The following POU5F1B variants were observed in gnomAD, a reference collection of about 807,000 sequenced individuals.
The protein encoded by POU5F1B is POU domain, class 5, transcription factor 1B.
POU5F1B carries 24 observed loss-of-function variants against 28.1 expected under a neutral mutation model. The observed-to-expected ratio is 0.85, with a 90% CI of 0.62 to 1.20. The LOEUF is 1.20. POU5F1B is among the 50% of genes most tolerant of loss of function. The pLI is 0.00. For synonymous variants in POU5F1B, 220 were observed against 193.2 expected (o/e 1.14, Z -1.15); for missense variants, 451 against 451.5 (o/e 1.00, Z 0.01).
In POU5F1B at chr8:127,416,347, G is replaced by A. The variant is rs140000439; in HGVS notation, c.481G>A (p.Gly161Arg). Residue 161 changes from glycine (G) to arginine (R), a missense_variant, in exon 3 of 3, where the codon GGA becomes AGA. Gly to Arg is a moderately radical substitution (Grantham distance 125). Around this residue, in one of 3 missense-constraint regions of POU5F1B, gnomAD observed 233 missense variants for 210.7 expected, o/e 1.11. Coordinates refer to ENST00000465342, the Ensembl canonical transcript of POU5F1B. Reference sequence around the variant, plus strand: ...CCTGAAGCAGAAGAGGATCACCCTGGGATATACACAGGCCGATGTGGGGCT... The same window carrying A: ...CCTGAAGCAGAAGAGGATCACCCTGAGATATACACAGGCCGATGTGGGGCT... 2.5e-3 allele frequency: 4,014 copies of A among 1,612,174 alleles called. 104 individuals are homozygous for A. In the African/African-American group the frequency reaches 0.047, roughly 19 times the overall value.
chr8:127,416,199 C>G, exon 3 of POU5F1B: 2 of 1,613,820 alleles, frequency 1.2e-6, no homozygotes, highest in Non-Finnish European at 8.5e-7. Context: ...ATGGGGCCTC[C>G]CCGGAACCCT....
chr8:127,415,629 G>A, exon 3 of POU5F1B: 1 of 637,686 alleles, frequency 1.6e-6, no homozygotes, highest in Non-Finnish European at 2.3e-6. Context: ...CCAAATCTTG[G>A]CATTCTTATC....
At chr8:127,414,842 G>A (rs1220380291) in intron 1 of POU5F1B, 2 of 152,230 alleles carry the variant, frequency 1.3e-5, no homozygotes, top group Non-Finnish European at 2.9e-5. Context: ...TCAGAGACTA[G>A]GTCATAAAGA....
chr8:127,416,315 C>T, exon 3 of POU5F1B: 1 of 1,613,622 alleles, frequency 6.2e-7, no homozygotes, highest in Non-Finnish European at 8.5e-7. Context: ...GAGCAATTTG[C>T]CAAGCTCCTG....
At chr8:127,416,896 T>C (rs762017742) in exon 3 of POU5F1B, 6 of 1,600,330 alleles carry the variant, frequency 3.7e-6, no homozygotes, top group Middle Eastern at 3.3e-4. Flanking sequence ...GGGGGAAGTC[T>C]TTCCCCCAGT....
At chr8:127,414,117 C>T (rs1010143166) in intron 1 of POU5F1B, among the ~76,000 whole-genome samples, 2 of 152,212 alleles carry the variant, frequency 1.3e-5, no homozygotes, top group Non-Finnish European at 2.9e-5. Flanking sequence ...GAGGTAAAGT[C>T]ATATCTATCT....
chr8:127,414,214 T>C (rs1337653474), intron 1 of POU5F1B, among the ~76,000 whole-genome samples: 1 of 152,228 alleles, frequency 6.6e-6, no homozygotes, highest in Non-Finnish European at 1.5e-5. Flanking sequence ...CCAACTCATA[T>C]CCCAATTCTG....
rs397839847 is a variant in POU5F1B at position 127,416,910 on chromosome 8, C to T, written c.1044C>T (p.Ser348=). 7.5e-6 allele frequency: 12 copies of T among 1,600,704 alleles called. No individual in the cohort carries two copies. Among genetic ancestry groups the T allele is most frequent in the Middle Eastern group, 1.7e-4 (1 of 6,056 alleles). Residue 348 remains serine, a synonymous_variant, in exon 3 of 3, where the codon TCC becomes TCT. Coordinates refer to ENST00000465342, the Ensembl canonical transcript of POU5F1B. ...AGGGGGAAGTCTTTCCCCCAGTCTC[C>T]GTCATCACTCTGGGCTCTCCCATGC...
At chr8:127,416,132 G>T (rs1815132488) in exon 3 of POU5F1B, 7 of 1,613,652 alleles carry the variant, frequency 4.3e-6, no homozygotes, top group Non-Finnish European at 5.9e-6. Context: ...CCCCAAGGCG[G>T]CTTGGAGACC....
At position 127,417,129 on chromosome 8, in the gene POU5F1B, T is replaced by G; in HGVS notation, c.*183T>G. 6 of 811,150 alleles carry G rather than the reference T, an allele frequency of 7.4e-6. No individual in the cohort carries two copies. The South Asian group carries it at 1.2e-4, about 16-fold the overall frequency. The allele number at this position is 811,150 out of a possible 1,614,324, so 50.2% of individuals were successfully genotyped here. ...TTGGAGGGAAGGTGAAGTTCAATGA[T>G]GCTCTTGATTTTAATCCCACATCAT... On this transcript the variant is annotated 3_prime_UTR_variant, in exon 3 of 3. Coordinates refer to ENST00000465342, the Ensembl canonical transcript of POU5F1B.
At chr8:127,415,791 G>A in exon 3 of POU5F1B, 1 of 1,458,540 alleles carries the variant, frequency 6.9e-7, no homozygotes, top group Non-Finnish European at 9.1e-7. Flanking sequence ...CAGCCATACG[G>A]TCACAGAGCT....
At chr8:127,414,649 G>A (rs1167597555) in intron 1 of POU5F1B, among the ~76,000 whole-genome samples, 1 of 152,106 alleles carries the variant, frequency 6.6e-6, no homozygotes, top group Non-Finnish European at 1.5e-5. Context: ...TTAAGAAATG[G>A]ACATCCAATA....
chr8:127,416,113 G>C lies in POU5F1B; in HGVS notation c.247G>C (p.Gly83Arg), dbSNP rs756839675. 4 of 1,613,266 alleles carry C rather than the reference G, an allele frequency of 2.5e-6. No homozygotes were observed. In the African/African-American group the frequency reaches 5.3e-5, roughly 22 times the overall value. ...GTACTGTGGGCCTCAGGTTGGAGTG[G>C]GGCTAGTGCCCCAAGGCGGCTTGGA... is the stretch of plus-strand genomic sequence containing the variant. The change falls in exon 3 of 3, where the codon GGG (glycine) becomes CGG (arginine). Residue 83 changes from glycine (G) to arginine (R), a missense_variant. Gly to Arg is a moderately radical substitution (Grantham distance 125). This residue lies in a region of POU5F1B where 233 missense variants were observed against 210.7 expected (regional missense o/e 1.11). Transcript: ENST00000465342.
At position 127,416,476 on chromosome 8, in the gene POU5F1B, C is replaced by T. The variant is rs192151034; in HGVS notation, c.610C>T (p.Leu204=). 4,008 of 1,609,726 alleles carry T rather than the reference C, an allele frequency of 2.5e-3. 102 individuals carry two copies. In the African/African-American group the frequency reaches 0.047, roughly 19 times the overall value. The change falls in exon 3 of 3, where the codon CTG becomes TTG. Residue 204 remains leucine, a synonymous_variant. Transcript: ENST00000465342. ...GAACATGTGTAAGCTGCGGCCCTTGCTGCAGAAGTGGGTGGAGGAAGCTGA... is the reference window on the plus strand; with the variant it reads ...GAACATGTGTAAGCTGCGGCCCTTGTTGCAGAAGTGGGTGGAGGAAGCTGA...
intron 1 of POU5F1B, among the ~76,000 whole-genome samples, chr8:127,414,044 C>T (rs544731515): frequency 1.3e-5 from 2 of 152,242 alleles, no homozygotes; most frequent in African/African-American, 4.8e-5. Flanking sequence ...CAGAATTGAG[C>T]AGAAAGTTAT....
chr8:127,416,876 C>T, exon 3 of POU5F1B: 1 of 1,600,854 alleles, frequency 6.2e-7, no homozygotes, highest in Non-Finnish European at 8.5e-7. Flanking sequence ...TCCTCAGTCC[C>T]TTTCCCTGAG....
intron 2 of POU5F1B, chr8:127,415,086 C>T (rs997815378): frequency 3.3e-5 from 5 of 152,234 alleles, no homozygotes; most frequent in African/African-American, 1.2e-4. Context: ...TGACAACATC[C>T]CCTGCTCTCA....
chr8:127,413,814 A>T (rs969930749), intron 1 of POU5F1B, among the ~76,000 whole-genome samples: 1 of 152,018 alleles, frequency 6.6e-6, no homozygotes, highest in African/African-American at 2.4e-5. Context: ...AAATAATCTA[A>T]GTAACTGGTC....
At chr8:127,416,058 C>T (rs1449909985) in exon 3 of POU5F1B, 31 of 1,610,530 alleles carry the variant, frequency 1.9e-5, no homozygotes, top group Non-Finnish European at 2.5e-5. Context: ...CCCCTTGCCC[C>T]CCGCCGTATG....
Sources: gnomAD v4.1 joint callset for allele counts (sites outside exome capture counted in the v4.1 genomes callset) on GRCh38, gnomAD v4.1.1 for gene constraint, gnomAD v4.1.1 regional missense constraint, MANE v1.5 for transcripts, NCBI Gene and HGNC (gene_info 2026-07-23, HGNC 2026-07-21) for gene names.